SS18L1: variants seen among roughly 807,000 people sequenced by gnomAD.
SS18L1 encodes the protein calcium-responsive transactivator.
A neutral mutation model predicts 70.3 loss-of-function variants in SS18L1; 32 were observed. The observed-to-expected ratio is 0.46, with a 90% CI of 0.34 to 0.61. The LOEUF (loss-of-function observed/expected upper bound fraction) is 0.61, where lower values mean the gene tolerates loss of function less well. Ranked by LOEUF, SS18L1 falls within the 20% of genes least tolerant of loss-of-function variation. The probability of loss-of-function intolerance (pLI) is 0.01; values close to 1 mark genes in which losing one functional copy is unlikely to be tolerated. For missense variants in SS18L1, 430 were observed against 542.1 expected (o/e 0.79, Z 2.05); for synonymous variants, 237 against 229.7 (o/e 1.03, Z -0.29).
Position 62,159,767 on chromosome 20 carries a change from G to T in SS18L1, c.147-110G>T. 10 of 1,046,490 alleles carry T rather than the reference G, an allele frequency of 9.6e-6. No homozygotes were observed. The highest frequency in any genetic ancestry group is 9.1e-5 in the South Asian group (6 of 66,108). The allele number at this position is 1,046,490 out of a possible 1,614,324, so 64.8% of individuals were successfully genotyped here. The stretch of plus-strand genomic sequence containing the variant: ...TCATCTGGGGTCCATGTCCTCATGG[G>T]GTTTGGCTGGATGTCAGGCTGTCTT... On this transcript the variant is annotated intron_variant, in intron 2 of 10. Coordinates refer to ENST00000331758, the MANE Select transcript of SS18L1 (RefSeq NM_198935.3). This position sits in a 1 kb window ranked among gnomAD's most constrained non-coding sequence, Gnocchi z 4.4.
intron 1 of SS18L1, among the ~76,000 whole-genome samples, chr20:62,151,604 C>T (rs2057131503): frequency 6.6e-6 from 1 of 152,220 alleles, no homozygotes; most frequent in Non-Finnish European, 1.5e-5. Context: ...GCAGAAGATC[C>T]TCCGAACCAG....
At position 62,180,283 on chromosome 20, in the gene SS18L1, A is replaced by G. The variant is rs1332864187; in HGVS notation, c.*1075A>G. 1.0e-5 allele frequency: 2 copies of G among 192,680 alleles called. No individual in the cohort carries two copies. The highest frequency in any genetic ancestry group is 2.2e-5 in the Non-Finnish European group (2 of 92,356). 11.9% of individuals were successfully genotyped at this position (192,680 alleles called of 1,614,324 possible). ...AATGAAAAGTAAAGGTTTTATATAG[A>G]GAAACTTGAGTAATTTTTACATTTC... On this transcript the variant is annotated 3_prime_UTR_variant, in exon 11 of 11. Coordinates refer to ENST00000331758, the MANE Select transcript of SS18L1 (RefSeq NM_198935.3).
rs746062944 is a variant in SS18L1, at chr20:62,163,611, C to T, written c.710C>T (p.Pro237Leu). 7 of 1,594,012 alleles carry T rather than the reference C, an allele frequency of 4.4e-6. No individual in the cohort carries two copies. Among genetic ancestry groups the T allele is most frequent in the South Asian group, 1.1e-5 (1 of 89,556 alleles). Residue 237 changes from proline (P) to leucine (L), a missense_variant, in exon 6 of 11, where the codon CCC becomes CTC. Physicochemically the swap from Pro to Leu is moderately conservative, Grantham distance 98. Coordinates refer to ENST00000331758, the MANE Select transcript of SS18L1 (RefSeq NM_198935.3). ...MGQRPMAPYR[P>L]SQQGSSQQYL... is the part of the protein sequence containing the mutation. ...CAGCGGCCCATGGCGCCCTACCGGC[C>T]CTCCCAGCAAGGTAACGCCCGGCCG... is the stretch of plus-strand genomic sequence containing the variant.
chr20:62,167,773 C>T (rs1023775077), intron 8 of SS18L1, among the ~76,000 whole-genome samples: 7 of 152,092 alleles, frequency 4.6e-5, no homozygotes, highest in Non-Finnish European at 2.9e-5. Context: ...CAAAAACAAA[C>T]GCAGGATGTG....
rs1417518540 is a variant in SS18L1, at chr20:62,174,034, A to G, written c.1037-483A>G. ...ACCCTGCCTAAAAAAAAAAAAAAAA[A>G]TTGGCCTCTATCAGTTCTTGCCGGA... On this transcript the variant is annotated intron_variant, in intron 9 of 10. Transcript: ENST00000331758. This position sits in a 1 kb window ranked among gnomAD's most constrained non-coding sequence, Gnocchi z 4.1. Among the ~76,000 whole-genome samples, 4 of 150,664 alleles carry G rather than the reference A, an allele frequency of 2.7e-5. No homozygotes were observed. Among genetic ancestry groups the G allele is most frequent in the Non-Finnish European group, 5.9e-5 (4 of 67,666 alleles).
Position 62,143,811 on chromosome 20 carries a change from C to T in SS18L1, c.-10C>T, listed in dbSNP as rs1446109967. ...CTCGATGACCACGGGCTGAGCCCCG[C>T]GCCGCCACCATGTCCGTGGCCTTCG... is the stretch of plus-strand genomic sequence containing the variant. On this transcript the variant is annotated 5_prime_UTR_variant, in exon 1 of 11. Coordinates refer to ENST00000331758, the MANE Select transcript of SS18L1 (RefSeq NM_198935.3). The T allele has an allele frequency of 1.3e-5, 18 of 1,356,644 alleles. No homozygotes were observed. The highest frequency in any genetic ancestry group is 1.6e-5 in the Non-Finnish European group (16 of 1,024,956). 84.0% of individuals were successfully genotyped at this position (1,356,644 alleles called of 1,614,324 possible).
At chr20:62,150,209 T>C (rs377367958) in intron 1 of SS18L1, among the ~76,000 whole-genome samples, 3 of 152,342 alleles carry the variant, frequency 2.0e-5, no homozygotes, top group African/African-American at 4.8e-5. Context: ...GATTCCACAG[T>C]TGGGTGAATG....
At position 62,182,086 on chromosome 20, in the gene SS18L1, T is replaced by C. The variant is rs1321452522; in HGVS notation, c.*2878T>C. ...AGTACATCAGAACTCATGCCAACAG[T>C]CTTTATGATGGGATTAAGGTGGACA... On this transcript the variant is annotated 3_prime_UTR_variant, in exon 11 of 11. Transcript: ENST00000331758. 1 of 229,074 alleles carries C rather than the reference T, an allele frequency of 4.4e-6. No individual in the cohort carries two copies. Among genetic ancestry groups the C allele is most frequent in the Non-Finnish European group, 8.7e-6 (1 of 115,556 alleles). 14.2% of individuals were successfully genotyped at this position (229,074 alleles called of 1,614,324 possible).
intron 8 of SS18L1, among the ~76,000 whole-genome samples, chr20:62,170,156 G>T (rs145195338): frequency 1.3e-5 from 2 of 152,306 alleles, no homozygotes; most frequent in African/African-American, 4.8e-5. Flanking sequence ...ACACAGATGC[G>T]CCATGCTGCC....
chr20:62,144,517 C>T (rs1013215564), intron 1 of SS18L1, among the ~76,000 whole-genome samples: 1 of 152,226 alleles, frequency 6.6e-6, no homozygotes, highest in Non-Finnish European at 1.5e-5. Context: ...GCAGCCCGGC[C>T]CCGTAGGGAG....
chr20:62,156,571 G>A lies in SS18L1; in HGVS notation c.70-2101G>A, dbSNP rs911735304. ...AACCAACCCTGAAGTCGTGGAGACC[G>A]GCGGAGGAGGAAGCTGAGTTGAGGG... is the stretch of plus-strand genomic sequence containing the variant. On this transcript the variant is annotated intron_variant, in intron 1 of 10. Coordinates refer to ENST00000331758, the MANE Select transcript of SS18L1 (RefSeq NM_198935.3). 3.3e-5 allele frequency among the ~76,000 whole-genome samples: 5 copies of A among 152,256 alleles called. No individual in the cohort carries two copies. In the East Asian group the frequency reaches 5.8e-4, roughly 18 times the overall value.
intron 10 of SS18L1, among the ~76,000 whole-genome samples, chr20:62,177,845 C>T (rs1166112121): frequency 6.6e-6 from 1 of 151,200 alleles, no homozygotes; most frequent in South Asian, 2.1e-4. Flanking sequence ...CCTCAGCATC[C>T]GGAGTAGCTG....
rs147777670 is a variant in SS18L1, at chr20:62,180,899, A to AAAATAAATAAATAAAT, written c.*1702_*1717dup. 1.2e-5 allele frequency: 2 copies of AAAATAAATAAATAAAT among 171,034 alleles called. No homozygotes were observed. Among genetic ancestry groups the AAAATAAATAAATAAAT allele is most frequent in the African/African-American group, 4.8e-5 (2 of 42,010 alleles). 10.6% of individuals were successfully genotyped at this position (171,034 alleles called of 1,614,324 possible). A position where few individuals can be genotyped will look rare whatever the true frequency, so the allele number is the denominator to read the frequency against. On this transcript the variant is annotated 3_prime_UTR_variant, in exon 11 of 11. Coordinates refer to ENST00000331758, the MANE Select transcript of SS18L1 (RefSeq NM_198935.3). Reference sequence around the variant, plus strand: ...AACAAGAGTGAAATTCCGTCTCAAAAAAATAAATAAATAAATAAATAAATA... The same window carrying AAAATAAATAAATAAAT: ...AACAAGAGTGAAATTCCGTCTCAAAAAAATAAATAAATAAATAAATAAATAAATAAATAAATAAATA...
intron 1 of SS18L1, among the ~76,000 whole-genome samples, chr20:62,150,643 T>A (rs1168979045): frequency 4.2e-5 from 3 of 70,976 alleles, no homozygotes; most frequent in Non-Finnish European, 6.9e-5. Context: ...ATTTTTTTTT[T>A]TTTTTTTTTT....
At chr20:62,164,288 G>GC (rs1284834878) in intron 7 of SS18L1, 42 bp downstream of exon 7, 6 of 1,526,778 alleles carry the variant, frequency 3.9e-6, no homozygotes, top group Non-Finnish European at 5.3e-6. Flanking sequence ...GGAACGCAGA[G>GC]CAGCTGCAGG....
At chr20:62,175,662 T>G (rs1393795663) in intron 10 of SS18L1, among the ~76,000 whole-genome samples, 1 of 152,158 alleles carries the variant, frequency 6.6e-6, no homozygotes. Context: ...ACACTGCCAG[T>G]GAAATTTCAA....
At position 62,165,450 on chromosome 20, in the gene SS18L1, A is replaced by G. The variant is rs1473669580; in HGVS notation, c.852A>G (p.Ser284=). 2.5e-6 allele frequency: 4 copies of G among 1,613,098 alleles called. No homozygotes were observed. The highest frequency in any genetic ancestry group is 3.3e-5 in the Admixed American group (2 of 59,952). ...ATGGCGATTACGCCTACCAGCAGTC[A>G]TCCTACACGGAGCAGAGCTACGACC... ...DGHGDYAYQQ[S]SYTEQSYDRS... Residue 284 remains serine, a synonymous_variant, in exon 8 of 11, where the codon TCA becomes TCG. Coordinates refer to ENST00000331758, the MANE Select transcript of SS18L1 (RefSeq NM_198935.3).
intron 10 of SS18L1, chr20:62,175,420 G>T (rs1370609122): frequency 2.0e-6 from 2 of 985,268 alleles, no homozygotes; most frequent in African/African-American, 3.5e-5. Context: ...AGGAGCGAGG[G>T]CCTCCTAGAG....
At chr20:62,168,739 G>A (rs1177340034) in intron 8 of SS18L1, among the ~76,000 whole-genome samples, 1 of 152,120 alleles carries the variant, frequency 6.6e-6, no homozygotes, top group Non-Finnish European at 1.5e-5. Context: ...GCTTGAGCCC[G>A]GGAGGTCGAA....
Sources: allele counts gnomAD v4.1 joint callset (sites outside exome capture counted in the v4.1 genomes callset), GRCh38; gene constraint gnomAD v4.1.1; non-coding constraint Gnocchi (gnomAD v3.1); transcripts MANE v1.5; gene names NCBI Gene and HGNC (gene_info 2026-07-23, HGNC 2026-07-21).